KANK2: variants seen among roughly 807,000 people sequenced by gnomAD.
KANK2 encodes KN motif and ankyrin repeat domains 2.
A neutral mutation model predicts 74.6 loss-of-function variants in KANK2; 41 were observed. That is an observed-to-expected ratio of 0.55 (90% CI 0.43 to 0.71). KANK2 has a LOEUF of 0.71. KANK2 is among the 30% of genes least tolerant of loss of function. KANK2 has a pLI of 0.00. For missense variants in KANK2, 1,148 were observed against 1,196.4 expected, an observed-to-expected ratio of 0.96 and a Z score of 0.60; for synonymous variants, 537 against 519.0, an observed-to-expected ratio of 1.03 and a Z score of -0.47.
chr19:11,193,243 A>G lies in KANK2; in HGVS notation c.837T>C (p.Pro279=). The G allele has an allele frequency of 6.2e-7, 1 of 1,610,076 alleles. No homozygotes were observed. Among genetic ancestry groups the G allele is most frequent in the East Asian group, 2.2e-5 (1 of 44,866 alleles). The part of the protein sequence containing the change: ...TWVRERDLGM[P]DGEAALAAKV... ...TGGCGGCGAGGGCAGCCTCCCCATC[A>G]GGCATGCCCAAGTCCCGTTCTCGAA... The change falls in exon 4 of 13, where the codon CCT becomes CCC. Residue 279 remains proline, a synonymous_variant. Coordinates refer to ENST00000586659, the MANE Select transcript of KANK2 (RefSeq NM_001136191.3). This position sits in a 1 kb window ranked among gnomAD's most constrained non-coding sequence, Gnocchi z 9.6.
In KANK2 at chr19:11,193,130, G is replaced by A. The variant is rs753902109; in HGVS notation, c.950C>T (p.Ala317Val). The A allele has an allele frequency of 1.4e-4, 227 of 1,606,978 alleles. No individual in the cohort carries two copies. The highest frequency in any genetic ancestry group is 1.9e-4 in the Non-Finnish European group (221 of 1,176,638). Residue 317 changes from alanine (A) to valine (V), a missense_variant, in exon 4 of 13, where the codon GCC (alanine) becomes GTC (valine). Transcript: ENST00000586659. The surrounding 1 kb of genome is among the most constrained non-coding windows in gnomAD (Gnocchi z 9.6). Reference protein sequence around the residue: ...QARQADPQPQAWPPPDSPVRV... With the variant: ...QARQADPQPQVWPPPDSPVRV... ...GACCGGGCTGTCCGGCGGTGGCCAGGCCTGGGGCTGGGGGTCAGCCTGCCG... is the reference window on the plus strand; with the variant it reads ...GACCGGGCTGTCCGGCGGTGGCCAGACCTGGGGCTGGGGGTCAGCCTGCCG...
At chr19:11,191,820 G>A (rs1048481394) in intron 4 of KANK2, among the ~76,000 whole-genome samples, 2 of 152,214 alleles carry the variant, frequency 1.3e-5, no homozygotes, top group African/African-American at 4.8e-5. Flanking sequence ...CACTCTGGGA[G>A]GCCAAGACAG....
At chr19:11,191,527 A>C (rs931882971) in intron 4 of KANK2, among the ~76,000 whole-genome samples, 25 of 152,212 alleles carry the variant, frequency 1.6e-4, no homozygotes, top group African/African-American at 5.8e-4. Context: ...CCCGGCGTCC[A>C]TGGCTAGGCA....
At chr19:11,169,749 C>T in intron 12 of KANK2, 128 bp downstream of exon 12, 1 of 752,252 alleles carries the variant, frequency 1.3e-6, no homozygotes, top group Non-Finnish European at 2.2e-6. Flanking sequence ...TGCAATGAGC[C>T]CAGATCGTGC....
At chr19:11,179,717 C>T (rs927712175) in intron 4 of KANK2, among the ~76,000 whole-genome samples, 4 of 151,792 alleles carry the variant, frequency 2.6e-5, no homozygotes, top group Admixed American at 1.3e-4. Flanking sequence ...CAACAAAAAA[C>T]ACCCACCCAG....
chr19:11,174,013 A>G (rs977781559), intron 9 of KANK2, among the ~76,000 whole-genome samples: 1 of 151,768 alleles, frequency 6.6e-6, no homozygotes, highest in Non-Finnish European at 1.5e-5. Context: ...TCAGACTGGA[A>G]GGGTGGCATC....
chr19:11,194,507 G>A lies in KANK2; in HGVS notation c.5C>T (p.Ala2Val). The change falls in exon 3 of 13, where the codon GCC (alanine) becomes GTC (valine). Residue 2 changes from alanine to valine, a missense_variant. Physicochemically the swap from Ala to Val is moderately conservative, Grantham distance 64. Transcript: ENST00000586659. ...GGGAGCAGGCACGTGCAGGACCTGG[G>A]CCATCTTCTTTTCTACAGATGCTCC... M[A>V]QVLHVPAPFP... 1 of 1,612,400 alleles carries A rather than the reference G, an allele frequency of 6.2e-7. No individual in the cohort carries two copies. The highest frequency in any genetic ancestry group is 8.5e-7 in the Non-Finnish European group (1 of 1,179,136).
At position 11,170,261 on chromosome 19, in the gene KANK2, A is replaced by C; in HGVS notation, c.2212-13T>G. The C allele has an allele frequency of 6.2e-7, 1 of 1,607,564 alleles. No individual in the cohort carries two copies. Among genetic ancestry groups the C allele is most frequent in the South Asian group, 1.1e-5 (1 of 91,068 alleles). On this transcript the variant is annotated splice_polypyrimidine_tract_variant and intron_variant, in intron 10 of 12. Coordinates refer to ENST00000586659, the MANE Select transcript of KANK2 (RefSeq NM_001136191.3). The surrounding 1 kb of genome is among the most constrained non-coding windows in gnomAD (Gnocchi z 5.2). ...CCGTCTGTCCTGCCTGGGGAGGGCAAGGAACAGGATTATGGTTCATGCAGG... is the reference window on the plus strand; with the variant it reads ...CCGTCTGTCCTGCCTGGGGAGGGCACGGAACAGGATTATGGTTCATGCAGG...
chr19:11,189,553 G>A (rs970771461), intron 4 of KANK2, among the ~76,000 whole-genome samples: 9 of 130,442 alleles, frequency 6.9e-5, no homozygotes, highest in Admixed American at 9.2e-5. Context: ...GCAGTGAGCC[G>A]AGATTGCATC....
rs1331422664 is a variant in KANK2, at chr19:11,166,353, AG to A, written c.*204del. ...GGTCTGCGCTGTGGCCACTTTGAAC[AG>A]GGGAGCCAAGAAAACCCACTTGGAG... On this transcript the variant is annotated 3_prime_UTR_variant, in exon 13 of 13. Transcript: ENST00000586659. 1.9e-5 allele frequency: 11 copies of A among 575,888 alleles called. No homozygotes were observed. The highest frequency in any genetic ancestry group is 6.1e-5 in the Admixed American group (2 of 32,630). The allele number at this position is 575,888 out of a possible 1,614,324, so 35.7% of individuals were successfully genotyped here.
chr19:11,166,396 G>A lies in KANK2; in HGVS notation c.*162C>T, dbSNP rs1189676155. 9 of 649,208 alleles carry A rather than the reference G, an allele frequency of 1.4e-5. No homozygotes were observed. Among genetic ancestry groups the A allele is most frequent in the Admixed American group, 1.1e-4 (4 of 35,486 alleles). The allele number at this position is 649,208 out of a possible 1,614,324, so 40.2% of individuals were successfully genotyped here. On this transcript the variant is annotated 3_prime_UTR_variant, in exon 13 of 13. Coordinates refer to ENST00000586659, the MANE Select transcript of KANK2 (RefSeq NM_001136191.3). ...CACTTGGAGCTGGAGTCCTGTGGCC[G>A]TCGGGGCTCCCCCAGGGAAGCAGAG...
intron 12 of KANK2, 52 bp from the exon 13 acceptor site, chr19:11,166,663 G>C: frequency 1.9e-6 from 3 of 1,573,844 alleles, no homozygotes; most frequent in Non-Finnish European, 2.6e-6. Flanking sequence ...CCAATCCCCC[G>C]AGGCGCCAAC....
chr19:11,165,384 T>C lies in KANK2; in HGVS notation c.*1174A>G, dbSNP rs1328003228. 1 of 152,156 alleles carries C rather than the reference T, an allele frequency of 6.6e-6. No homozygotes were observed. The highest frequency in any genetic ancestry group is 2.4e-5 in the African/African-American group (1 of 41,448). 9.4% of individuals were successfully genotyped at this position (152,156 alleles called of 1,614,324 possible). A position where few individuals can be genotyped will look rare whatever the true frequency, so the allele number is the denominator to read the frequency against. ...TTTTCTTTCCTTTGAGGAGAGAAAT[T>C]CTGGAGTCCCGGGGAGGAACAGGAC... is the stretch of plus-strand genomic sequence containing the variant. On this transcript the variant is annotated 3_prime_UTR_variant, in exon 13 of 13. Transcript: ENST00000586659.
rs773667947 is a variant in KANK2 at position 11,176,710 on chromosome 19, T to C, written c.1628A>G (p.Glu543Gly). The change falls in exon 7 of 13, where the codon GAA (glutamate) becomes GGA (glycine). Residue 543 changes from glutamate to glycine, a missense_variant. Coordinates refer to ENST00000586659, the MANE Select transcript of KANK2 (RefSeq NM_001136191.3). ...EPRERVPSVA[E>G]APQLRPAGTA... is the part of the protein sequence containing the mutation. Reference sequence around the variant, plus strand: ...CCCTGCAGGCCTGAGCTGGGGGGCTTCGGCCACACTCGGAACCCTCTCCCT... The same window carrying C: ...CCCTGCAGGCCTGAGCTGGGGGGCTCCGGCCACACTCGGAACCCTCTCCCT... The C allele has an allele frequency of 5.6e-6, 9 of 1,612,276 alleles. No homozygotes were observed. In the South Asian group the frequency reaches 8.8e-5, roughly 16 times the overall value.
rs542262538 is a variant in KANK2, at chr19:11,193,025, T to C, written c.1055A>G (p.Gln352Arg). The change falls in exon 4 of 13, where the codon CAG (glutamine) becomes CGG (arginine). Residue 352 changes from glutamine to arginine, a missense_variant. Transcript: ENST00000586659. This position sits in a 1 kb window ranked among gnomAD's most constrained non-coding sequence, Gnocchi z 9.6. ...VASTAAGAPAQRAQSLEPYGT... is the reference protein window; with the variant it reads ...VASTAAGAPARRAQSLEPYGT... ...GTAAGGCTCCAGGCTCTGGGCCCGC[T>C]GTGCGGGGGCGCCAGCGGCTGTGCT... The C allele has an allele frequency of 1.9e-5, 30 of 1,612,660 alleles. No individual in the cohort carries two copies. In the South Asian group the frequency reaches 3.2e-4, roughly 17 times the overall value.
chr19:11,180,488 A>G (rs969290945), intron 4 of KANK2, among the ~76,000 whole-genome samples: 5 of 152,050 alleles, frequency 3.3e-5, no homozygotes, highest in Non-Finnish European at 5.9e-5. Flanking sequence ...TGCTGGACAT[A>G]GGCAAAGAGT....
At chr19:11,190,914 A>C (rs1023530181) in intron 4 of KANK2, among the ~76,000 whole-genome samples, 1 of 151,616 alleles carries the variant, frequency 6.6e-6, no homozygotes, top group East Asian at 1.9e-4. Context: ...TATTTTTAGT[A>C]GAGACAGGGT....
At chr19:11,185,986 G>A (rs1322552020) in intron 4 of KANK2, among the ~76,000 whole-genome samples, 1 of 152,184 alleles carries the variant, frequency 6.6e-6, no homozygotes, top group African/African-American at 2.4e-5. Context: ...AACTGTGACT[G>A]TGCCACTGCA....
chr19:11,194,177 C>G, intron 3 of KANK2, 135 bp from the exon 4 acceptor site: 1 of 951,606 alleles, frequency 1.1e-6, no homozygotes, highest in Non-Finnish European at 1.5e-6. Context: ...CGCGTCTGCT[C>G]TCAGACCCTC....
Sources: gnomAD v4.1 joint callset for allele counts (sites outside exome capture counted in the v4.1 genomes callset) on GRCh38, gnomAD v4.1.1 for gene constraint, Gnocchi (gnomAD v3.1) non-coding constraint, MANE v1.5 for transcripts, NCBI Gene and HGNC (gene_info 2026-07-23, HGNC 2026-07-21) for gene names.